Variants in TMEM263 observed in about 807,000 individuals in gnomAD.
TMEM263 encodes transmembrane protein 263.
A neutral mutation model predicts 8.6 loss-of-function variants in TMEM263; 5 were observed. The observed-to-expected ratio is 0.58, with a 90% CI of 0.31 to 1.23. The LOEUF is 1.23. Among genes scored for constraint, TMEM263 ranks in the 50% most tolerant of loss-of-function variants. TMEM263 has a pLI of 0.07. For missense variants in TMEM263, 104 were observed against 138.8 expected (o/e 0.75, Z 1.26); for synonymous variants, 50 against 47.9 (o/e 1.04, Z -0.18).
intron 2 of TMEM263, among the ~76,000 whole-genome samples, chr12:106,961,224 A>G (rs1267613723): frequency 1.3e-5 from 1 of 75,116 alleles, no homozygotes; most frequent in African/African-American, 6.1e-5. Context: ...TGCCCAGTCA[A>G]TTTTTTTTTT....
intron 1 of TMEM263, 31 bp from the exon 2 acceptor site, chr12:106,957,051 A>T (rs1198734391): frequency 3.3e-5 from 32 of 976,890 alleles, no homozygotes; most frequent in Non-Finnish European, 3.8e-5. Flanking sequence ...TATTTGCTAT[A>T]TGTGATTATT....
intron 2 of TMEM263, among the ~76,000 whole-genome samples, chr12:106,961,352 A>G (rs1190258925): frequency 6.8e-6 from 1 of 148,010 alleles, no homozygotes; most frequent in African/African-American, 2.6e-5. Flanking sequence ...CTGGGATTAC[A>G]ATATTTTCTT....
chr12:106,965,772 A>AT lies in TMEM263; in HGVS notation c.-6-1333dup, dbSNP rs532813011. On this transcript the variant is annotated intron_variant, in intron 2 of 3. Transcript: ENST00000280756. ...GAGTATCCATTTCATGATGGCAGAG[A>AT]TTTTTTCCATCTGTATTGATATATA... Among the ~76,000 whole-genome samples the AT allele has an allele frequency of 1.7e-3, 264 of 151,514 alleles. 2 individuals are homozygous for AT. Among genetic ancestry groups the AT allele is most frequent in the African/African-American group, 6.0e-3 (250 of 41,334 alleles).
intron 2 of TMEM263, among the ~76,000 whole-genome samples, chr12:106,960,993 GA>G (rs1951766174): frequency 6.6e-6 from 1 of 152,058 alleles, no homozygotes; most frequent in Admixed American, 6.5e-5. Context: ...AGTATATGCG[GA>G]TACTTCTCTT....
chr12:106,961,035 CGTCCTGTCCT>C (rs11276890), intron 2 of TMEM263, among the ~76,000 whole-genome samples: 29,119 of 151,324 alleles, frequency 0.19, 5,061 homozygotes, highest in African/African-American at 0.46. Flanking sequence ...CTCTTCTCTT[CGTCCTGTCCT>C]GTCCTGTCCT....
chr12:106,966,647 CTT>C (rs1421653082), intron 2 of TMEM263, among the ~76,000 whole-genome samples: 3 of 152,170 alleles, frequency 2.0e-5, no homozygotes, highest in African/African-American at 7.2e-5. Context: ...TATATTTTGA[CTT>C]TTTAATAATA....
chr12:106,961,466 G>C, intron 2 of TMEM263, among the ~76,000 whole-genome samples: 1 of 151,948 alleles, frequency 6.6e-6, no homozygotes, highest in East Asian at 1.9e-4. Flanking sequence ...TTGCAAACCA[G>C]GGAGAAATAG....
chr12:106,961,369 C>G (rs1348563905), intron 2 of TMEM263, among the ~76,000 whole-genome samples: 4 of 149,426 alleles, frequency 2.7e-5, no homozygotes, highest in African/African-American at 9.9e-5. Context: ...TCTTTTTATT[C>G]TACTTATCCC....
chr12:106,957,123 C>T lies in TMEM263; in HGVS notation c.-33C>T. 4.1e-6 allele frequency: 4 copies of T among 985,674 alleles called. No homozygotes were observed. Among genetic ancestry groups the T allele is most frequent in the Non-Finnish European group, 4.8e-6 (4 of 830,300 alleles). The allele number at this position is 985,674 out of a possible 1,614,324, so 61.1% of individuals were successfully genotyped here. The stretch of plus-strand genomic sequence containing the variant: ...TGGTGTGAGTGCCCTCAGGGGTTCC[C>T]CAGGAATATCGATACAACACCAACA... On this transcript the variant is annotated 5_prime_UTR_variant, in exon 2 of 4. Coordinates refer to ENST00000280756, the MANE Select transcript of TMEM263 (RefSeq NM_152261.4).
chr12:106,957,688 T>G (rs1338735643), intron 2 of TMEM263, among the ~76,000 whole-genome samples: 1 of 152,224 alleles, frequency 6.6e-6, no homozygotes, highest in Non-Finnish European at 1.5e-5. Flanking sequence ...GTTCTCTGGT[T>G]TAATAGAGTA....
chr12:106,966,122 G>T (rs1438075043), intron 2 of TMEM263, among the ~76,000 whole-genome samples: 2 of 152,074 alleles, frequency 1.3e-5, no homozygotes, highest in African/African-American at 4.8e-5. Context: ...ATAGTTTTTT[G>T]ACCCTTACTC....
At chr12:106,966,339 A>G (rs540173402) in intron 2 of TMEM263, among the ~76,000 whole-genome samples, 22 of 152,344 alleles carry the variant, frequency 1.4e-4, no homozygotes, top group African/African-American at 5.3e-4. Flanking sequence ...TTATGGTTAC[A>G]TAGTGTTCCA....
Position 106,967,143 on chromosome 12 carries a change from A to G in TMEM263, c.27A>G (p.Gln9=), listed in dbSNP as rs772483907. 19 of 1,602,156 alleles carry G rather than the reference A, an allele frequency of 1.2e-5. No homozygotes were observed. The Admixed American group carries it at 2.7e-4, about 23-fold the overall frequency. ...TGAATCAGACAGATAAAAATCAACA[A>G]GAAATCCCATCATACCTTAATGATG... MNQTDKNQ[Q]EIPSYLNDEP... is the part of the protein sequence containing the mutation. The change falls in exon 3 of 4, where the codon CAA becomes CAG. Residue 9 remains glutamine, a synonymous_variant. Coordinates refer to ENST00000280756, the MANE Select transcript of TMEM263 (RefSeq NM_152261.4).
intron 2 of TMEM263, among the ~76,000 whole-genome samples, chr12:106,961,006 G>A (rs531858695): frequency 3.5e-4 from 53 of 151,238 alleles, no homozygotes; most frequent in Non-Finnish European, 5.7e-4. Flanking sequence ...ACTTCTCTTC[G>A]CTTCGCTTCT....
chr12:106,963,497 A>G (rs1375351183), intron 2 of TMEM263, among the ~76,000 whole-genome samples: 1 of 152,222 alleles, frequency 6.6e-6, no homozygotes, highest in Non-Finnish European at 1.5e-5. Flanking sequence ...ATTTTGTCCA[A>G]AGCATTTATT....
Position 106,967,179 on chromosome 12 carries a change from AG to A in TMEM263, c.64+1del. The part of the protein sequence containing the change: ...PSYLNDEPPE[G>X]SMKDHPQQQP... ...CATACCTTAATGATGAACCACCAGA[AG>A]GTAAGTATGCATCTGTAACACTAAG... On this transcript the variant is annotated frameshift_variant and splice_region_variant, in exon 3 of 4. Coordinates refer to ENST00000280756, the MANE Select transcript of TMEM263 (RefSeq NM_152261.4). LOFTEE classifies it high-confidence loss of function. 1 of 1,574,188 alleles carries A rather than the reference AG, an allele frequency of 6.4e-7. No individual in the cohort carries two copies. Among genetic ancestry groups the A allele is most frequent in the Non-Finnish European group, 8.7e-7 (1 of 1,150,008 alleles).
At chr12:106,970,100 C>T (rs186676438) in intron 3 of TMEM263, among the ~76,000 whole-genome samples, 5 of 152,158 alleles carry the variant, frequency 3.3e-5, no homozygotes, top group Admixed American at 1.3e-4. Flanking sequence ...GTAGATAACA[C>T]GATTTTAAAT....
intron 2 of TMEM263, among the ~76,000 whole-genome samples, chr12:106,966,045 C>T (rs1951842549): frequency 6.6e-6 from 1 of 151,944 alleles, no homozygotes; most frequent in Admixed American, 6.6e-5. Flanking sequence ...TGGGTAAAAT[C>T]GTGTGTTGTG....
chr12:106,962,413 T>C (rs951551558), intron 2 of TMEM263, among the ~76,000 whole-genome samples: 2 of 152,266 alleles, frequency 1.3e-5, no homozygotes, highest in Non-Finnish European at 2.9e-5. Context: ...TGGAAGCCTA[T>C]AAATTCCTCT....
Sources: gnomAD v4.1 joint callset for allele counts (sites outside exome capture counted in the v4.1 genomes callset) on GRCh38, gnomAD v4.1.1 for gene constraint, MANE v1.5 for transcripts, NCBI Gene and HGNC (gene_info 2026-07-23, HGNC 2026-07-21) for gene names.